Variants in UGP2 observed in about 807,000 individuals in gnomAD.
UGP2 encodes UTP--glucose-1-phosphate uridylyltransferase.
A neutral mutation model predicts 49.0 loss-of-function variants in UGP2; 40 were observed. That is an observed-to-expected ratio of 0.82 (90% CI 0.63 to 1.06). UGP2 has a LOEUF of 1.06. UGP2 is among the 50% of genes least tolerant of loss of function. UGP2 has a pLI of 0.00. For synonymous variants in UGP2, 225 were observed against 213.0 expected (o/e 1.06, Z -0.49); for missense variants, 460 against 603.5 (o/e 0.76, Z 2.49).
At chr2:63,867,837 T>C (rs1040311825) in intron 3 of UGP2, among the ~76,000 whole-genome samples, 2 of 152,244 alleles carry the variant, frequency 1.3e-5, no homozygotes, top group African/African-American at 4.8e-5. Context: ...TCTGCAGTTT[T>C]CATTGTATTA....
chr2:63,847,868 G>A (rs1000587179), intron 1 of UGP2, among the ~76,000 whole-genome samples: 1 of 152,358 alleles, frequency 6.6e-6, no homozygotes, highest in South Asian at 2.1e-4. Context: ...ATACGTGCAA[G>A]TCACAGGGGA....
In UGP2 at chr2:63,870,377, T is replaced by C. The variant is rs576607070; in HGVS notation, c.256-12089T>C. ...AATTTGCTTTTCCGGGCTTGTGATATGTGATTGTTCATTCTATTTGTTTAT... is the reference window on the plus strand; with the variant it reads ...AATTTGCTTTTCCGGGCTTGTGATACGTGATTGTTCATTCTATTTGTTTAT... On this transcript the variant is annotated intron_variant, in intron 3 of 9. Transcript: ENST00000337130. Among the ~76,000 whole-genome samples the C allele has an allele frequency of 7.9e-5, 12 of 152,344 alleles. No individual in the cohort carries two copies. The South Asian group carries it at 2.5e-3, about 32-fold the overall frequency.
chr2:63,855,729 A>T (rs1405492365), intron 1 of UGP2: 2 of 415,104 alleles, frequency 4.8e-6, no homozygotes, highest in Non-Finnish European at 9.6e-6. Flanking sequence ...TTTTGTAGAG[A>T]TGAGGTTTTG....
chr2:63,864,208 C>T (rs1670027038), intron 3 of UGP2, among the ~76,000 whole-genome samples: 1 of 152,076 alleles, frequency 6.6e-6, no homozygotes. Context: ...TCATAACAGA[C>T]CTGGAAGATA....
At chr2:63,851,188 T>A (rs535077710) in intron 1 of UGP2, among the ~76,000 whole-genome samples, 1 of 152,190 alleles carries the variant, frequency 6.6e-6, no homozygotes, top group Non-Finnish European at 1.5e-5. Context: ...CAAACTACTA[T>A]TATATGAGAA....
intron 3 of UGP2, among the ~76,000 whole-genome samples, chr2:63,874,424 GA>G (rs938851750): frequency 1.1e-4 from 17 of 152,126 alleles, no homozygotes; most frequent in African/African-American, 4.1e-4. Flanking sequence ...CTTAGCAGCC[GA>G]GTATGTTATA....
intron 3 of UGP2, among the ~76,000 whole-genome samples, chr2:63,865,533 T>C (rs1053993824): frequency 3.3e-3 from 29 of 8,792 alleles, no homozygotes; most frequent in African/African-American, 7.0e-3. Context: ...CTTGGGTCTA[T>C]TTTTTTTTTT....
chr2:63,861,524 A>AT (rs538645691), intron 3 of UGP2, among the ~76,000 whole-genome samples: 23,000 of 147,058 alleles, frequency 0.16, 2,254 homozygotes, highest in Middle Eastern at 0.26. Context: ...ACCTCTACAA[A>AT]TTTTTTTTTT....
chr2:63,883,118 A>G, intron 4 of UGP2: 1 of 152,388 alleles, frequency 6.6e-6, no homozygotes, highest in Non-Finnish European at 1.5e-5. Context: ...TATTTTTTCC[A>G]TCTCCTTATC....
chr2:63,874,288 A>G (rs997411536), intron 3 of UGP2, among the ~76,000 whole-genome samples: 2 of 152,200 alleles, frequency 1.3e-5, no homozygotes, highest in Admixed American at 1.3e-4. Flanking sequence ...TCTTTTTTAA[A>G]AGACTGCCAC....
At chr2:63,843,309 CTTG>C (rs1671706705) in intron 1 of UGP2, among the ~76,000 whole-genome samples, 2 of 152,192 alleles carry the variant, frequency 1.3e-5, no homozygotes, top group Non-Finnish European at 2.9e-5. Flanking sequence ...AGAAATGTCA[CTTG>C]TTATTAGACT....
At chr2:63,846,360 A>G (rs1209663061) in intron 1 of UGP2, among the ~76,000 whole-genome samples, 1 of 152,212 alleles carries the variant, frequency 6.6e-6, no homozygotes, top group Non-Finnish European at 1.5e-5. Flanking sequence ...TTTGAAACTT[A>G]ATAAATAGTG....
intron 2 of UGP2, 34 bp from the exon 3 acceptor site, chr2:63,857,795 C>G: frequency 1.9e-6 from 3 of 1,561,462 alleles, no homozygotes; most frequent in African/African-American, 1.4e-5. Context: ...ATTAAGCATT[C>G]TGCTGGTTGT....
chr2:63,880,088 T>G (rs1437325005), intron 3 of UGP2, among the ~76,000 whole-genome samples: 2 of 152,206 alleles, frequency 1.3e-5, no homozygotes. Context: ...TCTTGTAAAC[T>G]AATAATAGGC....
chr2:63,876,487 T>C (rs971235069), intron 3 of UGP2, among the ~76,000 whole-genome samples: 3 of 152,240 alleles, frequency 2.0e-5, no homozygotes, highest in African/African-American at 7.2e-5. Flanking sequence ...CTTCATACGC[T>C]GTTACTTCTT....
intron 3 of UGP2, among the ~76,000 whole-genome samples, chr2:63,879,112 A>G (rs183693057): frequency 7.7e-4 from 118 of 152,272 alleles, no homozygotes; most frequent in African/African-American, 2.8e-3. Context: ...CACTTTGTTT[A>G]ATGCTATGAA....
chr2:63,853,681 GTATTA>G lies in UGP2; in HGVS notation c.20-2623_20-2619del, dbSNP rs1426253294. Among the ~76,000 whole-genome samples, 393 of 152,212 alleles carry G rather than the reference GTATTA, an allele frequency of 2.6e-3. 2 individuals carry two copies. Among genetic ancestry groups the G allele is most frequent in the African/African-American group, 9.1e-3 (377 of 41,520 alleles). ...GCCAGTGTCAGGGTGTCAGGGAAGG[GTATTA>G]TGTATCCCTCTTACTTGCTGAAATA... On this transcript the variant is annotated intron_variant, in intron 1 of 9. Coordinates refer to ENST00000337130, the MANE Select transcript of UGP2 (RefSeq NM_006759.4).
rs146946828 is a variant in UGP2 at position 63,860,370 on chromosome 2, T to A, written c.255+2434T>A. Among the ~76,000 whole-genome samples the A allele has an allele frequency of 8.4e-4, 128 of 152,354 alleles. 2 individuals are homozygous for A. The East Asian group carries it at 0.021, about 25-fold the overall frequency. On this transcript the variant is annotated intron_variant, in intron 3 of 9. Coordinates refer to ENST00000337130, the MANE Select transcript of UGP2 (RefSeq NM_006759.4). ...CCCACACATTCATTTATGTATTGTCTATAACTGCTTTTTTGCAACAATGGC... is the reference window on the plus strand; with the variant it reads ...CCCACACATTCATTTATGTATTGTCAATAACTGCTTTTTTGCAACAATGGC...
At chr2:63,873,278 C>T (rs970652681) in intron 3 of UGP2, among the ~76,000 whole-genome samples, 9 of 152,202 alleles carry the variant, frequency 5.9e-5, no homozygotes, top group Non-Finnish European at 1.2e-4. Flanking sequence ...CATCTCAAAC[C>T]ACATCACAGC....
Sources: gnomAD v4.1 joint callset for allele counts (sites outside exome capture counted in the v4.1 genomes callset) on GRCh38, gnomAD v4.1.1 for gene constraint, MANE v1.5 for transcripts, NCBI Gene and HGNC (gene_info 2026-07-23, HGNC 2026-07-21) for gene names.